The following SOBP variants were observed in gnomAD, a reference collection of about 807,000 sequenced individuals.
SOBP encodes the protein sine oculis binding protein homolog, also known as sine oculis-binding protein homolog.
A neutral mutation model predicts 53.6 loss-of-function variants in SOBP; 4 were observed. The ratio of observed to expected loss-of-function variants is 0.07; its 90% CI spans 0.04 to 0.17. The LOEUF is 0.17. SOBP is among the 10% of genes least tolerant of loss of function. The pLI is 1.00. For synonymous variants in SOBP, 584 were observed against 522.6 expected, an observed-to-expected ratio of 1.12 and a Z score of -1.60; for missense variants, 1,088 against 1,204.7, an observed-to-expected ratio of 0.90 and a Z score of 1.43.
At position 107,660,616 on chromosome 6, in the gene SOBP, G is replaced by A. The variant is rs988117888; in HGVS notation, c.*2413G>A. Reference sequence around the variant, plus strand: ...AGAGAGACTTTTATTTCAGCCTTATGTGAATGGGGTGGGTCCGTTTGGCTC... The same window carrying A: ...AGAGAGACTTTTATTTCAGCCTTATATGAATGGGGTGGGTCCGTTTGGCTC... On this transcript the variant is annotated 3_prime_UTR_variant, in exon 7 of 7. Coordinates refer to ENST00000317357, the MANE Select transcript of SOBP (RefSeq NM_018013.4). 2.0e-5 allele frequency among the ~76,000 whole-genome samples: 3 copies of A among 152,198 alleles called. No individual in the cohort carries two copies. Among genetic ancestry groups the A allele is most frequent in the Non-Finnish European group, 2.9e-5 (2 of 68,040 alleles).
intron 5 of SOBP, among the ~76,000 whole-genome samples, chr6:107,609,160 C>T (rs936199166): frequency 6.6e-6 from 1 of 152,226 alleles, no homozygotes; most frequent in Non-Finnish European, 1.5e-5. Context: ...CATGCCCACA[C>T]TGTGTACTTA....
intron 6 of SOBP, among the ~76,000 whole-genome samples, chr6:107,639,091 T>C (rs938932945): frequency 2.0e-5 from 3 of 151,968 alleles, no homozygotes; most frequent in African/African-American, 7.3e-5. Flanking sequence ...TTGGTAGAGA[T>C]GGGGTTTCAC....
At chr6:107,597,424 T>C (rs1341751548) in intron 5 of SOBP, among the ~76,000 whole-genome samples, 1 of 152,154 alleles carries the variant, frequency 6.6e-6, no homozygotes, top group Non-Finnish European at 1.5e-5. Context: ...AAATATGCAA[T>C]GTTATTACAT....
intron 5 of SOBP, among the ~76,000 whole-genome samples, chr6:107,617,891 G>A (rs1369697469): frequency 2.9e-5 from 4 of 139,072 alleles, no homozygotes; most frequent in African/African-American, 8.1e-5. Flanking sequence ...GCAGTGGCAC[G>A]ATCTCAGCTC....
chr6:107,618,992 G>T (rs116152586), intron 5 of SOBP, among the ~76,000 whole-genome samples: 1 of 152,258 alleles, frequency 6.6e-6, no homozygotes, highest in East Asian at 1.9e-4. Flanking sequence ...GAGCAGGGGC[G>T]GGGGAGCACT....
At chr6:107,498,280 G>A (rs571647462) in intron 1 of SOBP, among the ~76,000 whole-genome samples, 1 of 152,308 alleles carries the variant, frequency 6.6e-6, no homozygotes, top group South Asian at 2.1e-4. Flanking sequence ...TTGGGTGAGT[G>A]ATTGGGGGCT....
intron 3 of SOBP, among the ~76,000 whole-genome samples, chr6:107,525,938 T>C (rs1228601340): frequency 2.6e-5 from 4 of 152,122 alleles, no homozygotes; most frequent in Non-Finnish European, 5.9e-5. Flanking sequence ...ACATCTTTGA[T>C]CCTGTCATGT....
rs530660114 is a variant in SOBP, at chr6:107,659,180, C to T, written c.*977C>T. 6.5e-6 allele frequency: 1 copy of T among 152,718 alleles called. No homozygotes were observed. The highest frequency in any genetic ancestry group is 6.5e-5 in the Admixed American group (1 of 15,302). 9.5% of individuals were successfully genotyped at this position (152,718 alleles called of 1,614,324 possible). On this transcript the variant is annotated 3_prime_UTR_variant, in exon 7 of 7. Coordinates refer to ENST00000317357, the MANE Select transcript of SOBP (RefSeq NM_018013.4). The stretch of plus-strand genomic sequence containing the variant: ...CCAGGAAGTCAGTGAGACAATCTCT[C>T]TATATGCAGAGCCCTTTCATGATAA...
chr6:107,549,590 C>T (rs1417641716), intron 4 of SOBP, among the ~76,000 whole-genome samples: 4 of 152,050 alleles, frequency 2.6e-5, no homozygotes, highest in African/African-American at 7.2e-5. Context: ...AGTACAGCTC[C>T]CCTCCTCATT....
At position 107,634,127 on chromosome 6, in the gene SOBP, A is replaced by G; in HGVS notation, c.1283A>G (p.Asn428Ser). ...TCCAACCCCAACAGCCCCCTGTCCA[A>G]CCCCATGCTTCCCGGCATCGGGCCC... ...HASNPNSPLS[N>S]PMLPGIGPPP... Residue 428 changes from asparagine (N) to serine (S), a missense_variant, in exon 6 of 7, where the codon AAC becomes AGC. By Grantham distance (46) the Asn-to-Ser change is conservative. Coordinates refer to ENST00000317357, the MANE Select transcript of SOBP (RefSeq NM_018013.4). The surrounding 1 kb of genome is among the most constrained non-coding windows in gnomAD (Gnocchi z 4.5). The G allele has an allele frequency of 6.2e-7, 1 of 1,608,596 alleles. No homozygotes were observed. The highest frequency in any genetic ancestry group is 1.7e-5 in the Admixed American group (1 of 59,700).
intron 6 of SOBP, among the ~76,000 whole-genome samples, chr6:107,645,734 A>G (rs1362129155): frequency 6.6e-6 from 1 of 152,248 alleles, no homozygotes; most frequent in Non-Finnish European, 1.5e-5. Context: ...ATAGAGGAAC[A>G]GCTAATGAAG....
In SOBP at chr6:107,635,131, C is replaced by G; in HGVS notation, c.2287C>G (p.Pro763Ala). The G allele has an allele frequency of 1.2e-6, 2 of 1,612,922 alleles. No homozygotes were observed. Among genetic ancestry groups the G allele is most frequent in the Non-Finnish European group, 1.7e-6 (2 of 1,179,700 alleles). Residue 763 changes from proline (P) to alanine (A), a missense_variant, in exon 6 of 7, where the codon CCG (proline) becomes GCG (alanine). This residue lies in a region of SOBP where 665 missense variants were observed against 629.7 expected (regional missense o/e 1.06). Transcript: ENST00000317357. This position sits in a 1 kb window ranked among gnomAD's most constrained non-coding sequence, Gnocchi z 4.5. ...CAAGAAGCTGCTGTCGCCTGAGGAACCGGCGGTGAGCGAGCTAGAGTCGGT... is the reference window on the plus strand; with the variant it reads ...CAAGAAGCTGCTGTCGCCTGAGGAAGCGGCGGTGAGCGAGCTAGAGTCGGT... ...PPKKLLSPEE[P>A]AVSELESVKE...
At chr6:107,606,856 C>G (rs563676003) in intron 5 of SOBP, among the ~76,000 whole-genome samples, 37 of 152,308 alleles carry the variant, frequency 2.4e-4, no homozygotes, top group African/African-American at 8.7e-4. Context: ...GCCTGCACCC[C>G]ATGACTTCAA....
chr6:107,651,329 T>C (rs1399689071), intron 6 of SOBP, among the ~76,000 whole-genome samples: 1 of 152,186 alleles, frequency 6.6e-6, no homozygotes, highest in Non-Finnish European at 1.5e-5. Context: ...AAAACAGCCT[T>C]ATTGCTGATA....
intron 4 of SOBP, among the ~76,000 whole-genome samples, chr6:107,545,159 T>G (rs1240466205): frequency 6.6e-6 from 1 of 152,202 alleles, no homozygotes; most frequent in African/African-American, 2.4e-5. Flanking sequence ...GGTTGAAAGA[T>G]AAATGAGATA....
Position 107,634,602 on chromosome 6 carries a change from C to T in SOBP, c.1758C>T (p.Asp586=). 1 of 1,600,712 alleles carries T rather than the reference C, an allele frequency of 6.2e-7. No individual in the cohort carries two copies. Among genetic ancestry groups the T allele is most frequent in the Non-Finnish European group, 8.5e-7 (1 of 1,179,026 alleles). ...GCGGACACTCCCTGTCCCCCCGGGA[C>T]TCCAAGCAGGGCTCGTCCAAGTCCG... The part of the protein sequence containing the change: ...KPSGHSLSPR[D]SKQGSSKSAD... Residue 586 remains aspartate, a synonymous_variant, in exon 6 of 7, where the codon GAC becomes GAT. Transcript: ENST00000317357. This position sits in a 1 kb window ranked among gnomAD's most constrained non-coding sequence, Gnocchi z 4.5.
At chr6:107,536,750 C>A (rs1002713103) in intron 4 of SOBP, among the ~76,000 whole-genome samples, 1 of 152,112 alleles carries the variant, frequency 6.6e-6, no homozygotes, top group Non-Finnish European at 1.5e-5. Flanking sequence ...CTCAACACTG[C>A]CAGGAGAGGA....
At chr6:107,605,077 C>T (rs752255275) in intron 5 of SOBP, among the ~76,000 whole-genome samples, 3 of 152,176 alleles carry the variant, frequency 2.0e-5, no homozygotes, top group Non-Finnish European at 4.4e-5. Context: ...GCATGTTCAT[C>T]CCCCATGCTC....
intron 3 of SOBP, among the ~76,000 whole-genome samples, chr6:107,517,485 C>A (rs111242654): frequency 0.012 from 1,880 of 152,158 alleles, 43 homozygotes; most frequent in African/African-American, 0.04. Flanking sequence ...GACAAAGGCC[C>A]CATCCTCATG....
Sources: gnomAD v4.1 joint callset for allele counts (sites outside exome capture counted in the v4.1 genomes callset) on GRCh38, gnomAD v4.1.1 for gene constraint, gnomAD v4.1.1 regional missense constraint, Gnocchi (gnomAD v3.1) non-coding constraint, MANE v1.5 for transcripts, NCBI Gene and HGNC (gene_info 2026-07-23, HGNC 2026-07-21) for gene names.